HDAC9: variants seen among roughly 807,000 people sequenced by gnomAD.
HDAC9 encodes the protein MEF-2 interacting transcription repressor (MITR) protein.
In HDAC9, 41 loss-of-function variants were observed where a neutral mutation model predicts 139.4. The ratio of observed to expected loss-of-function variants is 0.29; its 90% CI spans 0.23 to 0.38. The LOEUF (loss-of-function observed/expected upper bound fraction) is 0.38, where lower values mean the gene tolerates loss of function less well. Ranked by LOEUF, HDAC9 falls within the 10% of genes least tolerant of loss-of-function variation. HDAC9 has a pLI of 1.00. For missense variants in HDAC9, 1,147 were observed against 1,297.0 expected (o/e 0.88, Z 1.78); for synonymous variants, 517 against 476.2 (o/e 1.09, Z -1.12).
intron 23 of HDAC9, among the ~76,000 whole-genome samples, chr7:18,945,914 G>C (rs904402795): frequency 6.6e-6 from 1 of 151,630 alleles, no homozygotes; most frequent in Non-Finnish European, 1.5e-5. Flanking sequence ...GTGCGCACCT[G>C]TATTCCCAGC....
At chr7:18,771,907 T>C (rs1790330691) in intron 16 of HDAC9, among the ~76,000 whole-genome samples, 1 of 152,108 alleles carries the variant, frequency 6.6e-6, no homozygotes, top group South Asian at 2.1e-4. Context: ...TTCAAAGCCA[T>C]AATGTGTGCC....
At chr7:18,583,306 T>G (rs2520458) in intron 2 of HDAC9, among the ~76,000 whole-genome samples, 46,283 of 152,086 alleles carry the variant, frequency 0.3, 8,036 homozygotes, top group East Asian at 0.53. Context: ...CTAGGGAAAT[T>G]AATAACATCT....
chr7:18,179,752 C>G (rs1422145572), intron 2 of HDAC9, among the ~76,000 whole-genome samples: 1 of 152,184 alleles, frequency 6.6e-6, no homozygotes, highest in Non-Finnish European at 1.5e-5. Flanking sequence ...TGTCATCTAT[C>G]TTTTATTTAG....
At chr7:18,595,587 A>C (rs1832248855) in intron 6 of HDAC9, among the ~76,000 whole-genome samples, 1 of 152,040 alleles carries the variant, frequency 6.6e-6, no homozygotes, top group South Asian at 2.1e-4. Flanking sequence ...TCAAGAATCT[A>C]AGGAGTTACT....
intron 2 of HDAC9, among the ~76,000 whole-genome samples, chr7:18,252,726 T>TA (rs1794996162): frequency 1.3e-5 from 2 of 151,992 alleles, no homozygotes; most frequent in African/African-American, 2.4e-5. Context: ...CTTTTTTTTT[T>TA]ATTTTTGTTG....
At chr7:18,167,241 C>G (rs1312197082) in intron 2 of HDAC9, among the ~76,000 whole-genome samples, 2 of 146,932 alleles carry the variant, frequency 1.4e-5, no homozygotes, top group Non-Finnish European at 3.0e-5. Context: ...GTGATTCATT[C>G]TTTTGCCATT....
At chr7:18,224,638 C>G (rs1792930955) in intron 2 of HDAC9, among the ~76,000 whole-genome samples, 1 of 152,130 alleles carries the variant, frequency 6.6e-6, no homozygotes, top group Non-Finnish European at 1.5e-5. Flanking sequence ...CACATGGAGG[C>G]TCTTTCCTAA....
intron 2 of HDAC9, among the ~76,000 whole-genome samples, chr7:18,224,545 C>A (rs1366866291): frequency 6.6e-6 from 1 of 152,196 alleles, no homozygotes; most frequent in Middle Eastern, 3.4e-3. Context: ...TGCCACCCAG[C>A]GTGGGTGCTT....
intron 1 of HDAC9, among the ~76,000 whole-genome samples, chr7:18,369,919 A>G (rs919965285): frequency 9.2e-5 from 14 of 152,148 alleles, no homozygotes; most frequent in African/African-American, 3.4e-4. Flanking sequence ...AAAAAATTGT[A>G]AGGTCAACTT....
chr7:18,771,091 C>A (rs1181993788), intron 16 of HDAC9, among the ~76,000 whole-genome samples: 1 of 152,042 alleles, frequency 6.6e-6, no homozygotes, highest in East Asian at 1.9e-4. Flanking sequence ...GGAGAACAAT[C>A]CCCTAAGAGG....
At chr7:18,489,459 T>C (rs1489968284) in intron 1 of HDAC9, among the ~76,000 whole-genome samples, 1 of 152,072 alleles carries the variant, frequency 6.6e-6, no homozygotes, top group Non-Finnish European at 1.5e-5. Flanking sequence ...TATAATTCTC[T>C]ATCATCCTTA....
intron 2 of HDAC9, among the ~76,000 whole-genome samples, chr7:18,163,790 T>A (rs948939848): frequency 6.6e-6 from 1 of 152,234 alleles, no homozygotes; most frequent in Non-Finnish European, 1.5e-5. Context: ...GTATATAAAT[T>A]CAGTGTTTCA....
At chr7:18,528,370 T>C (rs1436479038) in intron 2 of HDAC9, among the ~76,000 whole-genome samples, 1 of 151,934 alleles carries the variant, frequency 6.6e-6, no homozygotes, top group African/African-American at 2.4e-5. Context: ...AATAACATTT[T>C]ATATAAGTGA....
At chr7:18,282,120 A>G (rs2128220406) in intron 2 of HDAC9, among the ~76,000 whole-genome samples, 1 of 152,340 alleles carries the variant, frequency 6.6e-6, no homozygotes, top group East Asian at 1.9e-4. Context: ...CAGAATCATC[A>G]TAATATCCTT....
chr7:18,786,602 C>A (rs1791785826), intron 16 of HDAC9, among the ~76,000 whole-genome samples: 2 of 89,682 alleles, frequency 2.2e-5, no homozygotes. Context: ...TCCTTCCTTC[C>A]TTCCTTCCTT....
chr7:18,104,694 G>GGGATAT (rs1473013763), intron 1 of HDAC9, among the ~76,000 whole-genome samples: 2 of 151,968 alleles, frequency 1.3e-5, no homozygotes, highest in Non-Finnish European at 2.9e-5. Context: ...CTCTGCCTCT[G>GGGATAT]CTCTCTCCTT....
At chr7:18,757,696 G>A (rs527927684) in intron 14 of HDAC9, among the ~76,000 whole-genome samples, 2 of 152,108 alleles carry the variant, frequency 1.3e-5, no homozygotes, top group Admixed American at 6.5e-5. Flanking sequence ...TTTTTTCCCT[G>A]CTCCTTGGCA....
chr7:18,830,327 A>G (rs943107462), intron 19 of HDAC9, among the ~76,000 whole-genome samples: 3 of 152,196 alleles, frequency 2.0e-5, no homozygotes, highest in African/African-American at 7.2e-5. Flanking sequence ...AAGGAGGTGT[A>G]ATAGGTTGTC....
intron 2 of HDAC9, among the ~76,000 whole-genome samples, chr7:18,510,187 T>C (rs1801052918): frequency 6.6e-6 from 1 of 152,194 alleles, no homozygotes; most frequent in African/African-American, 2.4e-5. Flanking sequence ...GCTTTAACAA[T>C]GTGTGTATGA....
Sources: gnomAD v4.1 joint callset for allele counts (sites outside exome capture counted in the v4.1 genomes callset) on GRCh38, gnomAD v4.1.1 for gene constraint, MANE v1.5 for transcripts, NCBI Gene and HGNC (gene_info 2026-07-23, HGNC 2026-07-21) for gene names.